ASXL2: variants seen among roughly 807,000 people sequenced by gnomAD.
ASXL2 encodes ASXL transcriptional regulator 2, also known as putative Polycomb group protein ASXL2.
A neutral mutation model predicts 122.0 loss-of-function variants in ASXL2; 23 were observed. The observed-to-expected ratio is 0.19, with a 90% CI of 0.14 to 0.27. The LOEUF (loss-of-function observed/expected upper bound fraction) is 0.27. Ranked by LOEUF, ASXL2 falls within the 10% of genes least tolerant of loss-of-function variation. The pLI is 1.00. For missense variants in ASXL2, 1,518 were observed against 1,713.8 expected, an observed-to-expected ratio of 0.89 and a Z score of 2.02; for synonymous variants, 650 against 637.0, an observed-to-expected ratio of 1.02 and a Z score of -0.31.
chr2:25,844,624 A>C, intron 2 of ASXL2, among the ~76,000 whole-genome samples: 1 of 151,480 alleles, frequency 6.6e-6, no homozygotes, highest in Middle Eastern at 3.4e-3. Flanking sequence ...ACACACACAC[A>C]CATTGACTAT....
intron 1 of ASXL2, among the ~76,000 whole-genome samples, chr2:25,848,239 T>C (rs2089671840): frequency 6.6e-6 from 1 of 152,240 alleles, no homozygotes; most frequent in Non-Finnish European, 1.5e-5. Flanking sequence ...TGGTAAAAAT[T>C]AATACTTTCT....
chr2:25,828,243 T>A (rs1370779719), intron 3 of ASXL2, among the ~76,000 whole-genome samples: 1 of 152,012 alleles, frequency 6.6e-6, no homozygotes, highest in Non-Finnish European at 1.5e-5. Context: ...CGGTGGCTCA[T>A]GCCTGAAATC....
rs1425695894 is a variant in ASXL2 at position 25,750,386 on chromosome 2, C to T, written c.1170G>A (p.Lys390=). 13 of 1,607,480 alleles carry T rather than the reference C, an allele frequency of 8.1e-6. No individual in the cohort carries two copies. The highest frequency in any genetic ancestry group is 9.3e-6 in the Non-Finnish European group (11 of 1,178,264). ...GATCACTGGGAGAAGCTGTCAATTT[C>T]TTAGAATCTTCAAGGCTCAGGCCAG... ...QSSGLSLEDS[K]KLTASPSDPK... The change falls in exon 12 of 13, where the codon AAG becomes AAA. Residue 390 remains lysine (K), a synonymous_variant. Transcript: ENST00000435504.
At chr2:25,772,835 A>G (rs1261013035) in intron 5 of ASXL2, among the ~76,000 whole-genome samples, 1 of 151,770 alleles carries the variant, frequency 6.6e-6, no homozygotes, top group Non-Finnish European at 1.5e-5. Context: ...GTTTTGGACT[A>G]TAGTATTTCA....
rs1027060481 is a variant in ASXL2, at chr2:25,738,876, A to G, written c.*3153T>C. 1.3e-5 allele frequency: 2 copies of G among 152,218 alleles called. No homozygotes were observed. The highest frequency in any genetic ancestry group is 2.9e-5 in the Non-Finnish European group (2 of 68,044). The allele number at this position is 152,218 out of a possible 1,614,324, so 9.4% of individuals were successfully genotyped here. On this transcript the variant is annotated 3_prime_UTR_variant, in exon 13 of 13. Coordinates refer to ENST00000435504, the MANE Select transcript of ASXL2 (RefSeq NM_018263.6). Reference sequence around the variant, plus strand: ...CCATTTGCCAGCTCTTATTCTTAGAAATGTTACATGAAATACCACAGATAG... The same window carrying G: ...CCATTTGCCAGCTCTTATTCTTAGAGATGTTACATGAAATACCACAGATAG...
At chr2:25,826,815 CTCACT>C (rs1337655978) in intron 3 of ASXL2, among the ~76,000 whole-genome samples, 2 of 145,172 alleles carry the variant, frequency 1.4e-5, no homozygotes, top group East Asian at 4.0e-4. Context: ...CTTAAATGCC[CTCACT>C]TCAAGTCGAT....
At chr2:25,810,666 C>A in intron 3 of ASXL2, 1 of 753,830 alleles carries the variant, frequency 1.3e-6, no homozygotes, top group South Asian at 1.4e-5. Context: ...TGGTGCCCAC[C>A]CAGCTACTGC....
In ASXL2 at chr2:25,742,344, G is replaced by A. The variant is rs760200576; in HGVS notation, c.3993C>T (p.Ile1331=). 9 of 1,580,220 alleles carry A rather than the reference G, an allele frequency of 5.7e-6. No homozygotes were observed. The highest frequency in any genetic ancestry group is 7.7e-6 in the Non-Finnish European group (9 of 1,162,062). The change falls in exon 13 of 13, where the codon ATC becomes ATT. Residue 1331 remains isoleucine, a synonymous_variant. Transcript: ENST00000435504. ...CCATGTCAGATGAGGTGGAGACATT[G>A]ATCATGCCTCTATAGCTTGGCCCTA... ...TQIGPSYRGM[I]NVSTSSDMDH... is the part of the protein sequence containing the mutation.
intron 3 of ASXL2, among the ~76,000 whole-genome samples, chr2:25,824,308 A>G (rs913593723): frequency 6.6e-6 from 1 of 152,160 alleles, no homozygotes. Flanking sequence ...CATTCATTTA[A>G]TATTTACAAA....
chr2:25,820,942 G>A (rs965721599), intron 3 of ASXL2, among the ~76,000 whole-genome samples: 7 of 151,972 alleles, frequency 4.6e-5, no homozygotes, highest in Non-Finnish European at 1.0e-4. Flanking sequence ...CTAGGCGGGC[G>A]GATCACCTGA....
At chr2:25,856,019 G>T (rs923533069) in intron 1 of ASXL2, among the ~76,000 whole-genome samples, 1 of 149,520 alleles carries the variant, frequency 6.7e-6, no homozygotes, top group Admixed American at 6.7e-5. Context: ...TCAGCCTCCC[G>T]AGTAGCTGGG....
intron 1 of ASXL2, among the ~76,000 whole-genome samples, chr2:25,849,335 T>G (rs976706301): frequency 3.4e-5 from 5 of 148,536 alleles, no homozygotes; most frequent in African/African-American, 1.2e-4. Flanking sequence ...TAATCCCAGT[T>G]ACTCAGGAGG....
chr2:25,865,119 G>A (rs905176084), intron 1 of ASXL2, among the ~76,000 whole-genome samples: 1 of 151,028 alleles, frequency 6.6e-6, no homozygotes, highest in African/African-American at 2.4e-5. Context: ...CACCGCACCA[G>A]GCTAAAATTT....
chr2:25,877,294 T>C (rs1023569815), intron 1 of ASXL2, among the ~76,000 whole-genome samples: 6 of 152,214 alleles, frequency 3.9e-5, no homozygotes, highest in Non-Finnish European at 7.3e-5. Context: ...TCTCCTGCCA[T>C]TTCATTTCTG....
At position 25,878,414 on chromosome 2, in the gene ASXL2, C is replaced by G; in HGVS notation, c.-192G>C. 1 of 603,690 alleles carries G rather than the reference C, an allele frequency of 1.7e-6. No individual in the cohort carries two copies. 37.4% of individuals were successfully genotyped at this position (603,690 alleles called of 1,614,324 possible). A position where few individuals can be genotyped will look rare whatever the true frequency, so the allele number is the denominator to read the frequency against. ...GGGGGTCTATGGGGCGGCCGGTCCT[C>G]TTGCTGCCGTTGCCACTGCTACCGC... On this transcript the variant is annotated 5_prime_UTR_variant, in exon 1 of 13. Coordinates refer to ENST00000435504, the MANE Select transcript of ASXL2 (RefSeq NM_018263.6).
chr2:25,874,219 T>C (rs1308464072), intron 1 of ASXL2, among the ~76,000 whole-genome samples: 3 of 152,054 alleles, frequency 2.0e-5, no homozygotes, highest in African/African-American at 7.2e-5. Flanking sequence ...CCCCGCACAG[T>C]GGCTCATGCC....
At chr2:25,754,428 C>G (rs2088098197) in intron 10 of ASXL2, among the ~76,000 whole-genome samples, 1 of 152,036 alleles carries the variant, frequency 6.6e-6, no homozygotes, top group South Asian at 2.1e-4. Flanking sequence ...TTTAAGACCT[C>G]CTGGGGGTGA....
At chr2:25,754,005 C>T (rs916652617) in intron 10 of ASXL2, among the ~76,000 whole-genome samples, 1 of 152,180 alleles carries the variant, frequency 6.6e-6, no homozygotes, top group Non-Finnish European at 1.5e-5. Flanking sequence ...TTTCAATAAA[C>T]TATGCCACTG....
intron 1 of ASXL2, among the ~76,000 whole-genome samples, chr2:25,859,060 C>G (rs1053573281): frequency 2.6e-5 from 4 of 151,962 alleles, no homozygotes; most frequent in African/African-American, 9.6e-5. Context: ...GGTGATCTGC[C>G]TGCCTTGGCC....
Sources: gnomAD v4.1 joint callset for allele counts (sites outside exome capture counted in the v4.1 genomes callset) on GRCh38, gnomAD v4.1.1 for gene constraint, MANE v1.5 for transcripts, NCBI Gene and HGNC (gene_info 2026-07-23, HGNC 2026-07-21) for gene names.